Variants in SPTBN1 observed in about 807,000 individuals in gnomAD.
SPTBN1 encodes spectrin beta chain, non-erythrocytic 1.
Under a neutral mutation model 266.4 loss-of-function variants are expected in SPTBN1, and 32 were observed. The ratio of observed to expected loss-of-function variants is 0.12; its 90% CI spans 0.09 to 0.16. SPTBN1 has a LOEUF of 0.16. Ranked by LOEUF, SPTBN1 falls within the 10% of genes least tolerant of loss-of-function variation. The pLI is 1.00. For missense variants in SPTBN1, 2,296 were observed against 3,067.1 expected (o/e 0.75, Z 5.94); for synonymous variants, 1,336 against 1,162.2 (o/e 1.15, Z -3.04).
intron 8 of SPTBN1, among the ~76,000 whole-genome samples, chr2:54,622,079 A>G (rs1678026171): frequency 6.6e-6 from 1 of 152,196 alleles, no homozygotes; most frequent in African/African-American, 2.4e-5. Flanking sequence ...ATTACAGTTA[A>G]GCTGTCATTG....
chr2:54,612,118 T>C (rs1677261370), intron 3 of SPTBN1, 43 bp from the exon 4 acceptor site: 2 of 1,532,998 alleles, frequency 1.3e-6, no homozygotes, highest in Non-Finnish European at 1.8e-6. Context: ...TCATCTCTAC[T>C]CTGTTGGGTG....
chr2:54,558,314 G>A lies in SPTBN1; in HGVS notation c.148+31748G>A. The A allele has an allele frequency of 1.0e-6, 1 of 990,636 alleles. No individual in the cohort carries two copies. The highest frequency in any genetic ancestry group is 1.2e-6 in the Non-Finnish European group (1 of 833,276). The allele number at this position is 990,636 out of a possible 1,614,324, so 61.4% of individuals were successfully genotyped here. A position where few individuals can be genotyped will look rare whatever the true frequency, so the allele number is the denominator to read the frequency against. The stretch of plus-strand genomic sequence containing the variant: ...TAATACAATGCTGTTATGCTAATCA[G>A]GTGACATCACCGCCCAGCACACGGC... On this transcript the variant is annotated intron_variant, in intron 2 of 35. Coordinates refer to ENST00000356805, the MANE Select transcript of SPTBN1 (RefSeq NM_003128.3). This position sits in a 1 kb window ranked among gnomAD's most constrained non-coding sequence, Gnocchi z 4.6.
At chr2:54,487,832 C>CTTTTTTTTCTTTTTTTTTTTT (rs1668486752) in intron 1 of SPTBN1, among the ~76,000 whole-genome samples, 1 of 68,644 alleles carries the variant, frequency 1.5e-5, no homozygotes, top group African/African-American at 5.5e-5. Flanking sequence ...CCTCCTGTGT[C>CTTTTTTTTCTTTTTTTTTTTT]TTTTTTTTTT....
chr2:54,532,119 C>A (rs949668694), intron 2 of SPTBN1, among the ~76,000 whole-genome samples: 1 of 152,148 alleles, frequency 6.6e-6, no homozygotes, highest in Non-Finnish European at 1.5e-5. Flanking sequence ...GAAACCCCAT[C>A]TCTGCTAAAA....
intron 2 of SPTBN1, among the ~76,000 whole-genome samples, chr2:54,538,340 G>A (rs1304512769): frequency 6.6e-6 from 1 of 152,158 alleles, no homozygotes; most frequent in Non-Finnish European, 1.5e-5. Flanking sequence ...CAAGAACCAA[G>A]CATCACTCTT....
At chr2:54,573,149 A>C (rs1420655054) in intron 2 of SPTBN1, among the ~76,000 whole-genome samples, 6 of 152,212 alleles carry the variant, frequency 3.9e-5, no homozygotes, top group Non-Finnish European at 8.8e-5. Context: ...CTCTTTGCTT[A>C]TAAGGAGTAG....
rs1670815518 is a variant in SPTBN1 at position 54,526,376 on chromosome 2, C to A, written c.-43C>A. On this transcript the variant is annotated 5_prime_UTR_variant, in exon 2 of 36. Transcript: ENST00000356805. ...TTTTCCTTTTCTTTCTCATAGAACT[C>A]TAAGAAGGAGCTGATGTGGAGGAGC... 1.2e-6 allele frequency: 2 copies of A among 1,607,622 alleles called. No individual in the cohort carries two copies. Among genetic ancestry groups the A allele is most frequent in the Non-Finnish European group, 8.5e-7 (1 of 1,176,652 alleles).
intron 32 of SPTBN1, chr2:54,661,479 G>A (rs182015606): frequency 9.3e-4 from 917 of 985,640 alleles, no homozygotes; most frequent in Admixed American, 1.2e-3. Context: ...ATAGCATCTT[G>A]TTTGTTTTTC....
chr2:54,654,697 C>T (rs1354161733), intron 27 of SPTBN1, among the ~76,000 whole-genome samples: 3 of 152,158 alleles, frequency 2.0e-5, no homozygotes, highest in Admixed American at 1.3e-4. Context: ...GGTGCGATTG[C>T]GGCACCTCTT....
chr2:54,486,117 C>G (rs922758682), intron 1 of SPTBN1, among the ~76,000 whole-genome samples: 3 of 149,266 alleles, frequency 2.0e-5, no homozygotes, highest in Admixed American at 2.0e-4. Context: ...GCCCCACGCC[C>G]GGCCAGCCGC....
rs764629117 is a variant in SPTBN1 at position 54,512,641 on chromosome 2, GT to G, written c.-47-13729del. On this transcript the variant is annotated intron_variant, in intron 1 of 35. Coordinates refer to ENST00000356805, the MANE Select transcript of SPTBN1 (RefSeq NM_003128.3). Reference sequence around the variant, plus strand: ...ATATGACCCCTCATGTTTTGCGACAGTTGAAAATAAATTTATAATTTTATAA... The same window carrying G: ...ATATGACCCCTCATGTTTTGCGACAGTGAAAATAAATTTATAATTTTATAA... 9.2e-5 allele frequency among the ~76,000 whole-genome samples: 14 copies of G among 152,284 alleles called. No individual in the cohort carries two copies. In the East Asian group the frequency reaches 2.5e-3, roughly 27 times the overall value.
chr2:54,561,021 C>G (rs930323182), intron 2 of SPTBN1, among the ~76,000 whole-genome samples: 4 of 152,210 alleles, frequency 2.6e-5, no homozygotes, highest in Admixed American at 2.6e-4. Flanking sequence ...CATATAATTT[C>G]TATCTGCTGA....
chr2:54,526,512 A>G lies in SPTBN1; in HGVS notation c.94A>G (p.Asn32Asp), dbSNP rs779141673. The G allele has an allele frequency of 1.9e-6, 3 of 1,614,078 alleles. No individual in the cohort carries two copies. The highest frequency in any genetic ancestry group is 1.7e-6 in the Non-Finnish European group (2 of 1,180,046). ...NNRWDVDDWD[N>D]ENSSARLFER... is the part of the protein sequence containing the mutation. ...CCGCTGGGATGTCGACGACTGGGAC[A>G]ATGAGAACAGCTCTGCGCGGCTTTT... Residue 32 changes from asparagine to aspartate, a missense_variant, in exon 2 of 36, where the codon AAT becomes GAT. Transcript: ENST00000356805.
At chr2:54,625,377 C>G (rs939295971) in intron 11 of SPTBN1, among the ~76,000 whole-genome samples, 4 of 152,090 alleles carry the variant, frequency 2.6e-5, no homozygotes, top group South Asian at 2.1e-4. Context: ...CAGTAAGGTA[C>G]TAGATACGAA....
At chr2:54,642,153 AG>A (rs1383324793) in intron 18 of SPTBN1, among the ~76,000 whole-genome samples, 2 of 152,234 alleles carry the variant, frequency 1.3e-5, no homozygotes, top group Non-Finnish European at 2.9e-5. Context: ...CCTTACAGGC[AG>A]GCAGTAATGA....
intron 2 of SPTBN1, among the ~76,000 whole-genome samples, chr2:54,530,288 G>A (rs1309932783): frequency 7.0e-6 from 1 of 142,006 alleles, no homozygotes; most frequent in Non-Finnish European, 1.5e-5. Flanking sequence ...TAAACTACTT[G>A]TTACTAATTC....
In SPTBN1 at chr2:54,604,577, C is replaced by T. The variant is rs933734513; in HGVS notation, c.300+5334C>T. Reference sequence around the variant, plus strand: ...GTCCATGCGAAGGAATTGCCCAAGGCCATACTGCTTCTTAGGCAGGGCCTG... The same window carrying T: ...GTCCATGCGAAGGAATTGCCCAAGGTCATACTGCTTCTTAGGCAGGGCCTG... On this transcript the variant is annotated intron_variant, in intron 3 of 35. Transcript: ENST00000356805. Among the ~76,000 whole-genome samples the T allele has an allele frequency of 2.2e-4, 34 of 152,146 alleles. 1 individual carries two copies. The highest frequency in any genetic ancestry group is 7.0e-4 in the African/African-American group (29 of 41,412).
chr2:54,559,422 C>T (rs2104463187), intron 2 of SPTBN1, among the ~76,000 whole-genome samples: 1 of 152,266 alleles, frequency 6.6e-6, no homozygotes, highest in Admixed American at 6.5e-5. Flanking sequence ...AGAGCCTTCC[C>T]ATCTATTTAG....
chr2:54,560,054 G>A (rs57368496), intron 2 of SPTBN1, among the ~76,000 whole-genome samples: 3,536 of 152,256 alleles, frequency 0.023, 141 homozygotes, highest in African/African-American at 0.081. Flanking sequence ...TAGCTCAGAG[G>A]AAGCTCCCTT....
Sources: gnomAD v4.1 joint callset for allele counts (sites outside exome capture counted in the v4.1 genomes callset) on GRCh38, gnomAD v4.1.1 for gene constraint, Gnocchi (gnomAD v3.1) non-coding constraint, MANE v1.5 for transcripts, NCBI Gene and HGNC (gene_info 2026-07-23, HGNC 2026-07-21) for gene names.